Variants in LRRC37A2 observed in about 807,000 individuals in gnomAD.
LRRC37A2 encodes the protein leucine rich repeat containing 37 member A2.
LRRC37A2 carries 9 observed loss-of-function variants against 68.8 expected under a neutral mutation model. The ratio of observed to expected loss-of-function variants is 0.13; its 90% CI spans 0.08 to 0.23. The LOEUF is 0.23. LRRC37A2 is among the 10% of genes least tolerant of loss of function. The probability of loss-of-function intolerance (pLI) is 1.00; values close to 1 mark genes in which losing one functional copy is unlikely to be tolerated. For synonymous variants in LRRC37A2, 63 were observed against 367.6 expected, an observed-to-expected ratio of 0.17 and a Z score of 9.48; for missense variants, 168 against 950.4, an observed-to-expected ratio of 0.18 and a Z score of 10.82.
the LRRC37A2 span, among the ~76,000 whole-genome samples, chr17:46,811,130 A>G: frequency 9.9e-6 from 1 of 100,900 alleles, no homozygotes; most frequent in African/African-American, 3.0e-5. Flanking sequence ...AAACAGATAA[A>G]TCGACACTAC....
At chr17:46,946,261 C>A in the LRRC37A2 span, among the ~76,000 whole-genome samples, 2 of 143,604 alleles carry the variant, frequency 1.4e-5, no homozygotes, top group African/African-American at 5.2e-5. Context: ...CATGGAGAAA[C>A]CCTGTCTCTA....
the LRRC37A2 span, among the ~76,000 whole-genome samples, chr17:46,921,741 A>G: frequency 6.6e-6 from 1 of 152,242 alleles, no homozygotes; most frequent in African/African-American, 2.4e-5. Context: ...AATGCTCATC[A>G]TCACTGGCCA....
At chr17:46,974,606 C>T in the LRRC37A2 span, among the ~76,000 whole-genome samples, 7 of 152,054 alleles carry the variant, frequency 4.6e-5, no homozygotes, top group African/African-American at 7.2e-5. Flanking sequence ...TGGTGGCGGG[C>T]GCCTGTAGTC....
the LRRC37A2 span, among the ~76,000 whole-genome samples, chr17:46,960,162 A>G: frequency 5.3e-5 from 8 of 152,224 alleles, no homozygotes; most frequent in Non-Finnish European, 1.0e-4. Flanking sequence ...AAGCTCAACA[A>G]TAAGAAAACA....
chr17:46,934,882 T>G, the LRRC37A2 span: 712,661 of 712,666 alleles, frequency 1, 356,328 homozygotes, highest in Non-Finnish European at 1. Context: ...GCCTTTGCTT[T>G]GCTTTTTCTT....
the LRRC37A2 span, among the ~76,000 whole-genome samples, chr17:46,909,021 A>T: frequency 6.6e-6 from 1 of 152,194 alleles, no homozygotes; most frequent in Admixed American, 6.5e-5. Flanking sequence ...CTGCAGTCTC[A>T]TCAGAGGCCA....
the LRRC37A2 span, chr17:46,935,719 A>ACTCC: frequency 1.0e-6 from 1 of 987,938 alleles, no homozygotes; most frequent in Non-Finnish European, 1.2e-6. Context: ...GCGACTCTTC[A>ACTCC]CTCCCTAGCC....
the LRRC37A2 span, among the ~76,000 whole-genome samples, chr17:46,882,408 C>A: frequency 2.0e-5 from 3 of 152,190 alleles, no homozygotes; most frequent in Non-Finnish European, 2.9e-5. Flanking sequence ...TGGCAATAAG[C>A]TGCTTGGGTG....
the LRRC37A2 span, among the ~76,000 whole-genome samples, chr17:46,798,463 CA>C: frequency 1.3e-5 from 2 of 152,176 alleles, no homozygotes; most frequent in Admixed American, 1.3e-4. Context: ...TATTTTTGAT[CA>C]GCTTGCAGGA....
chr17:46,490,128 G>T, the LRRC37A2 span, among the ~76,000 whole-genome samples: 1 of 151,212 alleles, frequency 6.6e-6, no homozygotes, highest in African/African-American at 2.5e-5. Context: ...ATGATCAGGG[G>T]ATTGGCAAAC....
the LRRC37A2 span, among the ~76,000 whole-genome samples, chr17:46,880,648 A>C: frequency 6.6e-6 from 1 of 152,236 alleles, no homozygotes; most frequent in Non-Finnish European, 1.5e-5. Context: ...TGAGATGAGA[A>C]GCCTCCTCAT....
the LRRC37A2 span, among the ~76,000 whole-genome samples, chr17:47,004,736 C>T: frequency 1.8e-4 from 28 of 152,304 alleles, no homozygotes; most frequent in African/African-American, 6.5e-4. Context: ...CACTATGTTG[C>T]CCAGGCTGGT....
the LRRC37A2 span, chr17:46,955,615 A>G: frequency 6.6e-6 from 1 of 152,228 alleles, no homozygotes; most frequent in African/African-American, 2.4e-5. Flanking sequence ...TCTGAGGCCA[A>G]GCACACCTCT....
the LRRC37A2 span, among the ~76,000 whole-genome samples, chr17:46,874,437 A>G: frequency 6.6e-6 from 1 of 152,200 alleles, no homozygotes; most frequent in Admixed American, 6.5e-5. Flanking sequence ...TGCCTACGCC[A>G]GGTGTCTGAG....
chr17:46,897,287 A>C, the LRRC37A2 span, among the ~76,000 whole-genome samples: 1 of 152,130 alleles, frequency 6.6e-6, no homozygotes, highest in East Asian at 1.9e-4. Context: ...GATCACCAGC[A>C]CCCAGATTTC....
At chr17:46,841,106 C>A in the LRRC37A2 span, among the ~76,000 whole-genome samples, 1 of 152,104 alleles carries the variant, frequency 6.6e-6, no homozygotes, top group African/African-American at 2.4e-5. Context: ...AAGAGGGTGC[C>A]GACAGACAAG....
chr17:47,000,128 A>T, the LRRC37A2 span, among the ~76,000 whole-genome samples: 1 of 129,222 alleles, frequency 7.7e-6, no homozygotes, highest in African/African-American at 3.0e-5. Context: ...AAATAAAATA[A>T]AATAAAATAG....
chr17:46,969,704 A>G, the LRRC37A2 span, among the ~76,000 whole-genome samples: 1 of 152,250 alleles, frequency 6.6e-6, no homozygotes. Flanking sequence ...CACGGGAATC[A>G]AAACAATGAA....
At chr17:47,036,584 T>TAA in the LRRC37A2 span, among the ~76,000 whole-genome samples, 4 of 148,196 alleles carry the variant, frequency 2.7e-5, no homozygotes, top group Non-Finnish European at 6.0e-5. Flanking sequence ...CAGCACCATT[T>TAA]AAAAAAAAAA....
Sources: gnomAD v4.1 joint callset for allele counts (sites outside exome capture counted in the v4.1 genomes callset) on GRCh38, gnomAD v4.1.1 for gene constraint, MANE v1.5 for transcripts, NCBI Gene and HGNC (gene_info 2026-07-23, HGNC 2026-07-21) for gene names.